Variants in TLE4 observed in about 807,000 individuals in gnomAD.
The protein encoded by TLE4 is TLE family member 4, transcriptional corepressor.
In TLE4, 8 loss-of-function variants were observed where a neutral mutation model predicts 92.8. The observed-to-expected ratio is 0.09, with a 90% CI of 0.05 to 0.16. The LOEUF (loss-of-function observed/expected upper bound fraction) is 0.16. Among genes scored for constraint, TLE4 ranks in the 10% least tolerant of loss-of-function variants. The probability of loss-of-function intolerance (pLI) is 1.00; values close to 1 mark genes in which losing one functional copy is unlikely to be tolerated. For missense variants in TLE4, 675 were observed against 997.6 expected, an observed-to-expected ratio of 0.68 and a Z score of 4.36; for synonymous variants, 371 against 374.1, an observed-to-expected ratio of 0.99 and a Z score of 0.10.
Position 79,574,857 on chromosome 9 carries a change from C to T in TLE4, c.144-16C>T, listed in dbSNP as rs146585022. On this transcript the variant is annotated splice_polypyrimidine_tract_variant and intron_variant, in intron 2 of 19. Transcript: ENST00000376552. The stretch of plus-strand genomic sequence containing the variant: ...GTTAAGATCATTGTACTTAGAGTAT[C>T]TTATGTCTTGAACAGTCTGAAGCTG... The T allele has an allele frequency of 1.2e-6, 2 of 1,608,988 alleles. No individual in the cohort carries two copies. The highest frequency in any genetic ancestry group is 3.3e-5 in the Admixed American group (2 of 59,904).
chr9:79,679,932 T>C (rs1261623957), intron 8 of TLE4, among the ~76,000 whole-genome samples: 1 of 152,094 alleles, frequency 6.6e-6, no homozygotes, highest in African/African-American at 2.4e-5. Context: ...GATGTAGATA[T>C]GCGGCATTAT....
Position 79,606,187 on chromosome 9 carries a change from GTTTTTTTTTTTTTTTTTT to G in TLE4, c.253-6448_253-6431del, listed in dbSNP as rs71364420. ...ATTGCTTTATTAAGCAGTAGTAGTT[GTTTTTTTTTTTTTTTTTT>G]TTTTTTTTTTTTTTTTTTTTAACAA... On this transcript the variant is annotated intron_variant, in intron 4 of 19. Coordinates refer to ENST00000376552, the MANE Select transcript of TLE4 (RefSeq NM_007005.6). Among the ~76,000 whole-genome samples, 157 of 28,714 alleles carry G rather than the reference GTTTTTTTTTTTTTTTTTT, an allele frequency of 5.5e-3. 1 individual carries two copies. The highest frequency in any genetic ancestry group is 0.014 in the African/African-American group (107 of 7,494). 18.8% of individuals were successfully genotyped at this position (28,714 alleles called of 152,430 possible). A position where few individuals can be genotyped will look rare whatever the true frequency, so the allele number is the denominator to read the frequency against.
intron 6 of TLE4, among the ~76,000 whole-genome samples, chr9:79,643,351 T>C (rs62569310): frequency 0.012 from 1,794 of 152,344 alleles, 13 homozygotes; most frequent in Non-Finnish European, 0.019. Flanking sequence ...CAAGGACATC[T>C]TCCTGTATAA....
chr9:79,722,943 A>C lies in TLE4; in HGVS notation c.2138-16A>C. Reference sequence around the variant, plus strand: ...GTAACACAAACATTGCCTTTTTCAAAACCCTTTACCTATAGGCAAATGGTT... The same window carrying C: ...GTAACACAAACATTGCCTTTTTCAACACCCTTTACCTATAGGCAAATGGTT... On this transcript the variant is annotated splice_polypyrimidine_tract_variant and intron_variant, in intron 18 of 19. Transcript: ENST00000376552. 1 of 1,612,224 alleles carries C rather than the reference A, an allele frequency of 6.2e-7. No individual in the cohort carries two copies. The highest frequency in any genetic ancestry group is 8.5e-7 in the Non-Finnish European group (1 of 1,179,358).
chr9:79,632,511 C>G (rs991351789), intron 6 of TLE4, among the ~76,000 whole-genome samples: 1 of 152,186 alleles, frequency 6.6e-6, no homozygotes, highest in Admixed American at 6.5e-5. Context: ...AGGCCTCAAG[C>G]TACTTAAGGG....
chr9:79,685,099 A>C (rs1293599668), intron 8 of TLE4, among the ~76,000 whole-genome samples: 1 of 152,156 alleles, frequency 6.6e-6, no homozygotes, highest in Non-Finnish European at 1.5e-5. Context: ...TGACTGCTTC[A>C]TGAGAAATAG....
intron 4 of TLE4, among the ~76,000 whole-genome samples, chr9:79,606,184 GTTGTTT>G (rs2046816825): frequency 1.1e-4 from 2 of 18,374 alleles, no homozygotes; most frequent in Non-Finnish European, 2.4e-4. Context: ...AGCAGTAGTA[GTTGTTT>G]TTTTTTTTTT....
chr9:79,687,697 A>G (rs1363189354), intron 8 of TLE4, among the ~76,000 whole-genome samples: 1 of 151,972 alleles, frequency 6.6e-6, no homozygotes, highest in Non-Finnish European at 1.5e-5. Flanking sequence ...CTCTTTGTAC[A>G]GGCTGGTTTC....
chr9:79,596,669 A>G (rs775495785), intron 4 of TLE4, among the ~76,000 whole-genome samples: 35 of 152,216 alleles, frequency 2.3e-4, no homozygotes, highest in Non-Finnish European at 4.4e-4. Flanking sequence ...ATACCTAACA[A>G]TACAGCCACT....
intron 6 of TLE4, among the ~76,000 whole-genome samples, chr9:79,628,374 C>T (rs1448451647): frequency 6.6e-6 from 1 of 151,470 alleles, no homozygotes; most frequent in Non-Finnish European, 1.5e-5. Flanking sequence ...CGTTTACTTT[C>T]ATTAAAATTC....
At chr9:79,664,545 G>A (rs2061068534) in intron 8 of TLE4, among the ~76,000 whole-genome samples, 1 of 152,170 alleles carries the variant, frequency 6.6e-6, no homozygotes, top group South Asian at 2.1e-4. Flanking sequence ...TAGTAACCTA[G>A]TCTGACCTTA....
In TLE4 at chr9:79,572,817, C is replaced by T. The variant is rs1162017463; in HGVS notation, c.27C>T (p.Tyr9=). The T allele has an allele frequency of 3.8e-6, 6 of 1,599,690 alleles. No homozygotes were observed. The highest frequency in any genetic ancestry group is 1.7e-5 in the Admixed American group (1 of 58,716). The change falls in exon 1 of 20, where the codon TAC becomes TAT. Residue 9 remains tyrosine (Y), a synonymous_variant. Transcript: ENST00000376552. MIRDLSKM[Y]PQTRHPAPHQ... ...TGATTCGCGACCTGAGCAAGATGTA[C>T]CCGCAGACCAGACACCCAGTGAGTG...
At chr9:79,593,343 T>G (rs940117767) in intron 4 of TLE4, among the ~76,000 whole-genome samples, 1 of 152,150 alleles carries the variant, frequency 6.6e-6, no homozygotes, top group Non-Finnish European at 1.5e-5. Flanking sequence ...CACCCACACC[T>G]CCTACCACAC....
intron 6 of TLE4, among the ~76,000 whole-genome samples, chr9:79,648,048 T>C (rs2058368447): frequency 6.6e-6 from 1 of 152,078 alleles, no homozygotes; most frequent in Non-Finnish European, 1.5e-5. Context: ...AACAGACTAG[T>C]GTTGCGGGCA....
intron 8 of TLE4, among the ~76,000 whole-genome samples, chr9:79,694,621 T>G (rs1035045112): frequency 1.3e-5 from 2 of 152,210 alleles, no homozygotes; most frequent in Non-Finnish European, 2.9e-5. Context: ...TTTATGTTGC[T>G]TTACATAATA....
chr9:79,700,599 A>G (rs1285481940), intron 8 of TLE4, among the ~76,000 whole-genome samples: 1 of 152,208 alleles, frequency 6.6e-6, no homozygotes, highest in Non-Finnish European at 1.5e-5. Flanking sequence ...TTGCTACCAA[A>G]GCAATTGGGG....
At position 79,692,421 on chromosome 9, in the gene TLE4, C is replaced by T. The variant is rs140219539; in HGVS notation, c.610-12362C>T. Among the ~76,000 whole-genome samples, 450 of 152,296 alleles carry T rather than the reference C, an allele frequency of 3.0e-3. 3 individuals are homozygous for T. The highest frequency in any genetic ancestry group is 9.9e-3 in the African/African-American group (412 of 41,558). ...TAGAGGAGACATTCACAGCAGCTCTCCAGGCCTCCTGCTACCCAGATTGGT... is the reference window on the plus strand; with the variant it reads ...TAGAGGAGACATTCACAGCAGCTCTTCAGGCCTCCTGCTACCCAGATTGGT... On this transcript the variant is annotated intron_variant, in intron 8 of 19. Coordinates refer to ENST00000376552, the MANE Select transcript of TLE4 (RefSeq NM_007005.6).
At chr9:79,703,049 A>C (rs2070403434) in intron 8 of TLE4, among the ~76,000 whole-genome samples, 1 of 151,978 alleles carries the variant, frequency 6.6e-6, no homozygotes, top group Admixed American at 6.6e-5. Flanking sequence ...CCAACAGACT[A>C]AGATAAAGCA....
intron 4 of TLE4, among the ~76,000 whole-genome samples, chr9:79,594,649 G>A (rs1018827443): frequency 2.7e-4 from 41 of 151,870 alleles, no homozygotes; most frequent in Non-Finnish European, 2.2e-4. Context: ...TAGAGAAGAG[G>A]GTTTTCATTT....
Sources: gnomAD v4.1 joint callset for allele counts (sites outside exome capture counted in the v4.1 genomes callset) on GRCh38, gnomAD v4.1.1 for gene constraint, MANE v1.5 for transcripts, NCBI Gene and HGNC (gene_info 2026-07-23, HGNC 2026-07-21) for gene names.